STAB2: variants seen among roughly 807,000 people sequenced by gnomAD.
The protein encoded by STAB2 is stabilin-2.
A neutral mutation model predicts 338.1 loss-of-function variants in STAB2; 288 were observed. That is an observed-to-expected ratio of 0.85 (90% CI 0.77 to 0.94). STAB2 has a LOEUF of 0.94. Ranked by LOEUF, STAB2 falls within the 40% of genes least tolerant of loss-of-function variation. STAB2 has a pLI of 0.00. For synonymous variants in STAB2, 1,202 were observed against 1,193.3 expected, an observed-to-expected ratio of 1.01 and a Z score of -0.15; for missense variants, 3,141 against 3,210.1, an observed-to-expected ratio of 0.98 and a Z score of 0.52.
chr12:103,669,280 G>A lies in STAB2; in HGVS notation c.2173-261G>A, dbSNP rs1486492489. 4.1e-5 allele frequency: 17 copies of A among 410,958 alleles called. No individual in the cohort carries two copies. In the Middle Eastern group the frequency reaches 1.8e-3, roughly 44 times the overall value. 25.5% of individuals were successfully genotyped at this position (410,958 alleles called of 1,614,324 possible). On this transcript the variant is annotated intron_variant, in intron 20 of 68. Coordinates refer to ENST00000388887, the MANE Select transcript of STAB2 (RefSeq NM_017564.10). ...CATTGACTCTTCCCCAACTTAGAAC[G>A]TTGGCTCCACAAGCATGAGCCTTCC... is the stretch of plus-strand genomic sequence containing the variant.
intron 21 of STAB2, among the ~76,000 whole-genome samples, chr12:103,670,473 C>T (rs567130331): frequency 6.6e-6 from 1 of 152,154 alleles, no homozygotes; most frequent in Admixed American, 6.5e-5. Flanking sequence ...GTGATGCCCC[C>T]TTGAGTGACT....
At chr12:103,661,476 G>T (rs1874615869) in intron 17 of STAB2, among the ~76,000 whole-genome samples, 1 of 152,166 alleles carries the variant, frequency 6.6e-6, no homozygotes, top group African/African-American at 2.4e-5. Context: ...ACAGACCAAT[G>T]AACAAACAGA....
chr12:103,685,191 T>G, intron 27 of STAB2, 107 bp downstream of exon 27: 1 of 1,055,470 alleles, frequency 9.5e-7, no homozygotes, highest in Non-Finnish European at 1.4e-6. Flanking sequence ...CTGCAGGAGA[T>G]TTTACATGAA....
Position 103,642,829 on chromosome 12 carries a change from G to A in STAB2, c.1040+2573G>A, listed in dbSNP as rs538184061. On this transcript the variant is annotated intron_variant, in intron 9 of 68. Coordinates refer to ENST00000388887, the MANE Select transcript of STAB2 (RefSeq NM_017564.10). ...CAAACAGCTCCAAACCAGCTTCCAG[G>A]GCCTGAGACCATTCCCAGGGTATGG... Among the ~76,000 whole-genome samples, 7 of 152,308 alleles carry A rather than the reference G, an allele frequency of 4.6e-5. 1 individual carries two copies. In the South Asian group the frequency reaches 1.2e-3, roughly 27 times the overall value.
chr12:103,698,264 G>C (rs1352249758), intron 33 of STAB2, among the ~76,000 whole-genome samples: 1 of 152,160 alleles, frequency 6.6e-6, no homozygotes, highest in African/African-American at 2.4e-5. Context: ...ATTTGGAGCT[G>C]ACAGGCAATC....
At chr12:103,739,367 T>C (rs1332676306) in intron 53 of STAB2, 45 bp from the exon 54 acceptor site, 1 of 1,522,350 alleles carries the variant, frequency 6.6e-7, no homozygotes, top group Non-Finnish European at 8.9e-7. Context: ...TCCTTGTGTT[T>C]TCTGATATTC....
At chr12:103,621,077 A>ACAAGAG (rs1291184982) in intron 4 of STAB2, among the ~76,000 whole-genome samples, 1 of 152,128 alleles carries the variant, frequency 6.6e-6, no homozygotes, top group Non-Finnish European at 1.5e-5. Context: ...AGTCTGGGTG[A>ACAAGAG]CAAGAGCAAG....
intron 55 of STAB2, 77 bp downstream of exon 55, chr12:103,740,833 C>T (rs1040652343): frequency 3.3e-5 from 48 of 1,475,946 alleles, no homozygotes; most frequent in Admixed American, 8.0e-5. Context: ...TTTGAATGTA[C>T]CAAAATTATA....
At chr12:103,678,334 G>A (rs1311972861) in intron 25 of STAB2, among the ~76,000 whole-genome samples, 3 of 152,144 alleles carry the variant, frequency 2.0e-5, no homozygotes, top group African/African-American at 7.2e-5. Flanking sequence ...TCTGTTTGAG[G>A]AAAGCCTAAC....
At chr12:103,686,901 G>T (rs1216008029) in intron 27 of STAB2, among the ~76,000 whole-genome samples, 1 of 152,116 alleles carries the variant, frequency 6.6e-6, no homozygotes, top group Non-Finnish European at 1.5e-5. Context: ...CTTCCCACCA[G>T]CAGATCAGGT....
At chr12:103,739,837 C>T (rs1566064060) in intron 54 of STAB2, among the ~76,000 whole-genome samples, 1 of 152,162 alleles carries the variant, frequency 6.6e-6, no homozygotes, top group Non-Finnish European at 1.5e-5. Flanking sequence ...CTTTATAATA[C>T]TCATAGGAAG....
At chr12:103,587,618 G>A in intron 1 of STAB2, 61 bp downstream of exon 1, 2 of 1,419,716 alleles carry the variant, frequency 1.4e-6, no homozygotes, top group South Asian at 1.2e-5. Context: ...TCAAAAGCTT[G>A]TCGTTTTCCT....
At chr12:103,708,128 T>A (rs1879531666) in intron 38 of STAB2, among the ~76,000 whole-genome samples, 1 of 152,150 alleles carries the variant, frequency 6.6e-6, no homozygotes, top group Non-Finnish European at 1.5e-5. Flanking sequence ...GAGCCCTGCA[T>A]AACCCTGGAT....
chr12:103,703,142 T>G lies in STAB2; in HGVS notation c.3715-6T>G, dbSNP rs2138966552. ...AAAAAGTGACATTTAACCCTGTTGT[T>G]CACAGCTCTATGTAAATGAGGCTCC... On this transcript the variant is annotated splice_region_variant and splice_polypyrimidine_tract_variant and intron_variant, in intron 34 of 68. Transcript: ENST00000388887. The G allele has an allele frequency of 6.2e-7, 1 of 1,611,880 alleles. No individual in the cohort carries two copies. Among genetic ancestry groups the G allele is most frequent in the Middle Eastern group, 1.7e-4 (1 of 6,054 alleles).
At chr12:103,746,949 C>CTTTT (rs370851005) in intron 58 of STAB2, among the ~76,000 whole-genome samples, 53 of 96,030 alleles carry the variant, frequency 5.5e-4, no homozygotes, top group Non-Finnish European at 6.3e-4. Context: ...GTTTTTCTTT[C>CTTTT]TTTTTTTTTT....
chr12:103,653,406 C>T (rs1179938752), intron 12 of STAB2, among the ~76,000 whole-genome samples: 1 of 152,204 alleles, frequency 6.6e-6, no homozygotes, highest in Non-Finnish European at 1.5e-5. Flanking sequence ...ACTTCATAAT[C>T]CCTGTTGCTC....
At chr12:103,734,641 A>G (rs1223129117) in intron 51 of STAB2, among the ~76,000 whole-genome samples, 1 of 152,194 alleles carries the variant, frequency 6.6e-6, no homozygotes, top group East Asian at 1.9e-4. Context: ...AAGAATGCCA[A>G]ATGCCCCAAC....
At chr12:103,695,036 A>G (rs764127987) in intron 31 of STAB2, among the ~76,000 whole-genome samples, 7 of 152,180 alleles carry the variant, frequency 4.6e-5, no homozygotes, top group Non-Finnish European at 1.0e-4. Context: ...AAAATGTCCT[A>G]TTATTACATA....
intron 9 of STAB2, among the ~76,000 whole-genome samples, chr12:103,643,941 C>G (rs796960094): frequency 3.4e-3 from 80 of 23,404 alleles, no homozygotes; most frequent in African/African-American, 7.8e-3. Flanking sequence ...CCAGCCGCCC[C>G]GTCCGGGAGG....
Sources: allele counts gnomAD v4.1 joint callset (sites outside exome capture counted in the v4.1 genomes callset), GRCh38; gene constraint gnomAD v4.1.1; transcripts MANE v1.5; gene names NCBI Gene and HGNC (gene_info 2026-07-23, HGNC 2026-07-21).